ARRDC2: variants seen among roughly 807,000 people sequenced by gnomAD.
ARRDC2 encodes arrestin domain-containing protein 2.
Under a neutral mutation model 38.9 loss-of-function variants are expected in ARRDC2, and 39 were observed. The observed-to-expected ratio is 1.00, with a 90% CI of 0.78 to 1.31. The LOEUF (loss-of-function observed/expected upper bound fraction) is 1.31. Among genes scored for constraint, ARRDC2 ranks in the 50% most tolerant of loss-of-function variants. The probability of loss-of-function intolerance (pLI) is 0.00; values close to 1 mark genes in which losing one functional copy is unlikely to be tolerated. For synonymous variants in ARRDC2, 300 were observed against 261.9 expected, an observed-to-expected ratio of 1.15 and a Z score of -1.41; for missense variants, 553 against 588.4, an observed-to-expected ratio of 0.94 and a Z score of 0.62.
upstream of ARRDC2, chr19:18,007,490 G>T (rs2033303487): frequency 6.6e-6 from 1 of 152,360 alleles, no homozygotes; most frequent in African/African-American, 2.4e-5. Context: ...TTGATGACCC[G>T]GGAGCGAGGC....
At chr19:18,008,647 A>C (rs1316509502) in intron 1 of ARRDC2, 63 bp downstream of exon 1, 1 of 1,603,692 alleles carries the variant, frequency 6.2e-7, no homozygotes, top group South Asian at 1.1e-5. Flanking sequence ...GGACGGCGGT[A>C]CCTCCGTCAG....
At chr19:18,011,952 ATTTTTTT>A (rs71164342) in intron 7 of ARRDC2, among the ~76,000 whole-genome samples, 2,744 of 100,642 alleles carry the variant, frequency 0.027, 107 homozygotes, top group African/African-American at 0.11. Context: ...ATATATATAT[ATTTTTTT>A]TTTTTTTTTT....
rs925871690 is a variant in ARRDC2, at chr19:18,013,617, CTG to C, written c.*654_*655del. 2 of 152,202 alleles carry C rather than the reference CTG, an allele frequency of 1.3e-5. No individual in the cohort carries two copies. Among genetic ancestry groups the C allele is most frequent in the Admixed American group, 6.6e-5 (1 of 15,254 alleles). The allele number at this position is 152,202 out of a possible 1,614,324, so 9.4% of individuals were successfully genotyped here. A position where few individuals can be genotyped will look rare whatever the true frequency, so the allele number is the denominator to read the frequency against. On this transcript the variant is annotated 3_prime_UTR_variant, in exon 8 of 8. Coordinates refer to ENST00000222250, the MANE Select transcript of ARRDC2 (RefSeq NM_015683.2). ...GCAGGTTGTCAGAGCTATGTGGAGT[CTG>C]TGGGTGGCAGGGGCAGCCGCTCCAG...
chr19:18,010,852 T>A (rs909878269), intron 7 of ARRDC2, 123 bp downstream of exon 7: 10 of 1,100,822 alleles, frequency 9.1e-6, no homozygotes, highest in Non-Finnish European at 1.3e-5. Flanking sequence ...TCTTGCTCTG[T>A]CACCCAGGCT....
upstream of ARRDC2, among the ~76,000 whole-genome samples, chr19:18,004,828 C>T (rs2033240147): frequency 6.6e-6 from 1 of 151,260 alleles, no homozygotes; most frequent in Non-Finnish European, 1.5e-5. Flanking sequence ...GGTGAAACCC[C>T]ATCTTTACAA....
At position 18,008,468 on chromosome 19, in the gene ARRDC2, G is replaced by C. The variant is rs770566707; in HGVS notation, c.158G>C (p.Gly53Ala). 3.3e-6 allele frequency: 5 copies of C among 1,531,154 alleles called. No homozygotes were observed. Among genetic ancestry groups the C allele is most frequent in the East Asian group, 2.4e-5 (1 of 41,076 alleles). 94.8% of individuals were successfully genotyped at this position (1,531,154 alleles called of 1,614,324 possible). ...RVGALRLRARGRAHVHWTESR... is the reference protein window; with the variant it reads ...RVGALRLRARARAHVHWTESR... ...GGTGCCCTGAGGCTGCGCGCGCGGG[G>C]CCGCGCCCACGTGCACTGGACCGAG... Residue 53 changes from glycine to alanine, a missense_variant, in exon 1 of 8, where the codon GGC (glycine) becomes GCC (alanine). Transcript: ENST00000222250.
chr19:18,009,401 A>G (rs1191984635), intron 3 of ARRDC2, 191 bp from the exon 4 acceptor site: 4 of 636,166 alleles, frequency 6.3e-6, no homozygotes, highest in Non-Finnish European at 8.1e-6. Context: ...CACTTGGCTT[A>G]TACATTTCAT....
chr19:18,002,287 G>A (rs913954301), intron 1 of ARRDC2, among the ~76,000 whole-genome samples: 1 of 152,226 alleles, frequency 6.6e-6, no homozygotes, highest in Non-Finnish European at 1.5e-5. Flanking sequence ...ATGCATCCCA[G>A]AGGGGAAGAG....
chr19:18,001,690 AG>A, intron 1 of ARRDC2: 1 of 1,176,458 alleles, frequency 8.5e-7, no homozygotes, highest in Non-Finnish European at 1.1e-6. Flanking sequence ...CTTTTCAAGG[AG>A]GGGGAAACCC....
chr19:18,001,446 C>G (rs374290329), exon 1 of ARRDC2: 3 of 1,250,670 alleles, frequency 2.4e-6, no homozygotes, highest in Non-Finnish European at 3.0e-6. Context: ...TGCGAGCGCT[C>G]GAGGTGAAGG....
At chr19:18,005,830 C>T (rs1427490801), upstream of ARRDC2, among the ~76,000 whole-genome samples, 5 of 150,664 alleles carry the variant, frequency 3.3e-5, no homozygotes, top group Admixed American at 6.6e-5. Flanking sequence ...ACTTCCCAGA[C>T]GGGGTGGCAG....
At chr19:18,005,722 AC>A (rs1319464431), upstream of ARRDC2, among the ~76,000 whole-genome samples, 1 of 135,898 alleles carries the variant, frequency 7.4e-6, no homozygotes, top group Non-Finnish European at 1.6e-5. Context: ...TGGGGGGCTG[AC>A]CCCCCGCCTC....
chr19:18,008,134 C>CCCCCCA, upstream of ARRDC2: 6 of 1,301,154 alleles, frequency 4.6e-6, no homozygotes, highest in South Asian at 1.5e-5. Context: ...CCCCCCCGCC[C>CCCCCCA]TGCCGTATAA....
chr19:18,005,630 C>T (rs1335720803), upstream of ARRDC2, among the ~76,000 whole-genome samples: 3 of 148,794 alleles, frequency 2.0e-5, no homozygotes, highest in Admixed American at 6.6e-5. Flanking sequence ...GCTGACCCCC[C>T]GACCTCCCTC....
intron 5 of ARRDC2, 31 bp downstream of exon 5, chr19:18,010,070 T>A: frequency 1.2e-6 from 2 of 1,604,570 alleles, no homozygotes; most frequent in Non-Finnish European, 1.7e-6. Flanking sequence ...TGGGGGACAG[T>A]GCCTACATTC....
At chr19:18,007,982 C>T (rs2033313239), upstream of ARRDC2, 5 of 509,392 alleles carry the variant, frequency 9.8e-6, no homozygotes, top group Non-Finnish European at 1.3e-5. Context: ...TCAGTTTCTC[C>T]CCGGGGTCCG....
In ARRDC2 at chr19:18,013,909, C is replaced by G. The variant is rs1379020443; in HGVS notation, c.*943C>G. ...AGCCTAAGGTGACACACGGGGACTA[C>G]TGTGCTTCCGGAGGCTCCCTGTGTC... On this transcript the variant is annotated 3_prime_UTR_variant, in exon 8 of 8. Transcript: ENST00000222250. 6.6e-6 allele frequency: 1 copy of G among 152,190 alleles called. No individual in the cohort carries two copies. The highest frequency in any genetic ancestry group is 2.4e-5 in the African/African-American group (1 of 41,436). 9.4% of individuals were successfully genotyped at this position (152,190 alleles called of 1,614,324 possible).
upstream of ARRDC2, chr19:18,007,811 A>G (rs1274832880): frequency 9.8e-6 from 2 of 205,106 alleles, no homozygotes; most frequent in South Asian, 6.4e-5. Flanking sequence ...CGGGCTGGAC[A>G]TGCCTCGAGT....
intron 7 of ARRDC2, among the ~76,000 whole-genome samples, chr19:18,011,409 AG>A (rs1418131397): frequency 6.6e-6 from 1 of 152,154 alleles, no homozygotes; most frequent in Non-Finnish European, 1.5e-5. Context: ...CTGGGATTAC[AG>A]GCGTCAGCCA....
Sources: allele counts gnomAD v4.1 joint callset (sites outside exome capture counted in the v4.1 genomes callset), GRCh38; gene constraint gnomAD v4.1.1; transcripts MANE v1.5; gene names NCBI Gene and HGNC (gene_info 2026-07-23, HGNC 2026-07-21).